KCNQ1: variants seen among roughly 807,000 people sequenced by gnomAD.
The protein encoded by KCNQ1 is potassium voltage-gated channel subfamily KQT member 1.
A neutral mutation model predicts 72.4 loss-of-function variants in KCNQ1; 49 were observed. The ratio of observed to expected loss-of-function variants is 0.68; its 90% CI spans 0.54 to 0.86. The LOEUF (loss-of-function observed/expected upper bound fraction) is 0.86, where lower values mean the gene tolerates loss of function less well. Ranked by LOEUF, KCNQ1 falls within the 40% of genes least tolerant of loss-of-function variation. The probability of loss-of-function intolerance (pLI) is 0.00; values close to 1 mark genes in which losing one functional copy is unlikely to be tolerated. For missense variants in KCNQ1, 790 were observed against 945.1 expected, an observed-to-expected ratio of 0.84 and a Z score of 2.15; for synonymous variants, 450 against 412.6, an observed-to-expected ratio of 1.09 and a Z score of -1.10.
At chr11:2,556,175 G>A (rs4930123) in intron 2 of KCNQ1, among the ~76,000 whole-genome samples, 1 of 152,024 alleles carries the variant, frequency 6.6e-6, no homozygotes, top group African/African-American at 2.4e-5. Flanking sequence ...CCCCCCGGCC[G>A]GCAAGTCCAT....
At chr11:2,741,937 G>T (rs1390527173) in intron 11 of KCNQ1, among the ~76,000 whole-genome samples, 1 of 152,182 alleles carries the variant, frequency 6.6e-6, no homozygotes, top group Non-Finnish European at 1.5e-5. Context: ...GGGGCCCCCA[G>T]CAGCGCCCCT....
chr11:2,780,090 GGT>G (rs1183579643), intron 15 of KCNQ1, among the ~76,000 whole-genome samples: 2 of 152,134 alleles, frequency 1.3e-5, no homozygotes, highest in Non-Finnish European at 2.9e-5. Context: ...TCTCTGAGGT[GGT>G]GAGTGGCACC....
chr11:2,790,859 C>T (rs1317288901), intron 15 of KCNQ1, among the ~76,000 whole-genome samples: 3 of 152,234 alleles, frequency 2.0e-5, no homozygotes, highest in African/African-American at 7.2e-5. Context: ...TCCGCCTCAA[C>T]CCTACTACGT....
At position 2,483,274 on chromosome 11, in the gene KCNQ1, T is replaced by A. The variant is rs1331307529; in HGVS notation, c.386+37790T>A. Among the ~76,000 whole-genome samples the A allele has an allele frequency of 2.6e-5, 4 of 152,152 alleles. No individual in the cohort carries two copies. Among genetic ancestry groups the A allele is most frequent in the Admixed American group, 6.5e-5 (1 of 15,270 alleles). The stretch of plus-strand genomic sequence containing the variant: ...GGGGTGTGAGTGATGAGGGACAACA[T>A]CAGTCCTCTCTTGGCTTCTGTACTT... On this transcript the variant is annotated intron_variant, in intron 1 of 15. Coordinates refer to ENST00000155840, the MANE Select transcript of KCNQ1 (RefSeq NM_000218.3). This position sits in a 1 kb window ranked among gnomAD's most constrained non-coding sequence, Gnocchi z 6.1.
At chr11:2,525,700 G>C (rs1847487700) in intron 1 of KCNQ1, among the ~76,000 whole-genome samples, 1 of 152,252 alleles carries the variant, frequency 6.6e-6, no homozygotes, top group South Asian at 2.1e-4. Context: ...GTGCTCCTGG[G>C]AACCACGTGG....
rs1365942105 is a variant in KCNQ1 at position 2,447,914 on chromosome 11, A to G, written c.386+2430A>G. ...GGATATCCTGTCCCCTCCTCGGGGA[A>G]CCCCCCCTCCCCAGGAGAGCAGCTC... On this transcript the variant is annotated intron_variant, in intron 1 of 15. Coordinates refer to ENST00000155840, the MANE Select transcript of KCNQ1 (RefSeq NM_000218.3). The surrounding 1 kb of genome is among the most constrained non-coding windows in gnomAD (Gnocchi z 7.6). Among the ~76,000 whole-genome samples the G allele has an allele frequency of 6.6e-6, 1 of 151,390 alleles. No individual in the cohort carries two copies. Among genetic ancestry groups the G allele is most frequent in the African/African-American group, 2.4e-5 (1 of 41,154 alleles).
intron 8 of KCNQ1, 43 bp from the exon 9 acceptor site, chr11:2,587,527 G>C: frequency 1.2e-6 from 2 of 1,612,724 alleles, no homozygotes; most frequent in Non-Finnish European, 1.7e-6. Flanking sequence ...GCCCCCGCCG[G>C]GTGGCTCAGC....
At chr11:2,811,190 G>A (rs1470713018) in intron 15 of KCNQ1, among the ~76,000 whole-genome samples, 2 of 152,176 alleles carry the variant, frequency 1.3e-5, no homozygotes, top group Non-Finnish European at 2.9e-5. Context: ...CAATCCAAAT[G>A]GAGCCTCCCC....
chr11:2,777,631 G>GC (rs1287363474), intron 14 of KCNQ1: 1 of 585,320 alleles, frequency 1.7e-6, no homozygotes, highest in African/African-American at 1.9e-5. Flanking sequence ...GAATGGCTGT[G>GC]CCCCCAGCCT....
chr11:2,778,642 G>GA (rs1846759929), intron 15 of KCNQ1, among the ~76,000 whole-genome samples: 1 of 151,998 alleles, frequency 6.6e-6, no homozygotes, highest in African/African-American at 2.4e-5. Context: ...TGGGCGGTGG[G>GA]AGGGCCTTTC....
intron 15 of KCNQ1, among the ~76,000 whole-genome samples, chr11:2,799,375 A>AGTGTGTGTGTGTAT (rs3085903): frequency 4.3e-4 from 63 of 147,400 alleles, no homozygotes; most frequent in African/African-American, 1.5e-3. Flanking sequence ...TGTAAGTTCG[A>AGTGTGTGTGTGTAT]GTGTGTGTGT....
intron 11 of KCNQ1, among the ~76,000 whole-genome samples, chr11:2,741,362 G>T (rs551044650): frequency 6.6e-6 from 1 of 152,292 alleles, no homozygotes; most frequent in African/African-American, 2.4e-5. Flanking sequence ...CAGGCATTGG[G>T]GCCCTGGAGA....
chr11:2,619,019 A>T, intron 10 of KCNQ1: 1 of 398,300 alleles, frequency 2.5e-6, no homozygotes, highest in Non-Finnish European at 4.4e-6. Context: ...TTTTATATTG[A>T]TTTTATATCC....
intron 10 of KCNQ1, chr11:2,641,554 A>G (rs1849577183): frequency 2.5e-6 from 1 of 398,494 alleles, no homozygotes; most frequent in Admixed American, 4.4e-5. Context: ...TCAGATGAGT[A>G]GTTTGCAAAT....
rs955498988 is a variant in KCNQ1 at position 2,515,380 on chromosome 11, G to A, written c.387-12548G>A. Among the ~76,000 whole-genome samples, 1 of 152,074 alleles carries A rather than the reference G, an allele frequency of 6.6e-6. No homozygotes were observed. Among genetic ancestry groups the A allele is most frequent in the African/African-American group, 2.4e-5 (1 of 41,424 alleles). ...TCATTCACTTCTTGGAGGCTTTAAC[G>A]CCTGCCCTGTGTGAGGGAGGGCGGA... On this transcript the variant is annotated intron_variant, in intron 1 of 15. Coordinates refer to ENST00000155840, the MANE Select transcript of KCNQ1 (RefSeq NM_000218.3). The surrounding 1 kb of genome is among the most constrained non-coding windows in gnomAD (Gnocchi z 4.7).
At chr11:2,804,437 C>T (rs542849716) in intron 15 of KCNQ1, among the ~76,000 whole-genome samples, 2 of 152,304 alleles carry the variant, frequency 1.3e-5, no homozygotes, top group African/African-American at 2.4e-5. Flanking sequence ...AGAAACAAGG[C>T]TGTATTGACG....
intron 11 of KCNQ1, chr11:2,697,671 GGAT>G (rs1182160987): frequency 5.0e-6 from 2 of 398,368 alleles, no homozygotes; most frequent in Non-Finnish European, 8.8e-6. Context: ...TGAATTACAT[GGAT>G]AAAGTTTCTG....
intron 10 of KCNQ1, chr11:2,633,694 T>C: frequency 2.5e-6 from 1 of 398,648 alleles, no homozygotes; most frequent in Non-Finnish European, 4.4e-6. Context: ...TATTTACTTC[T>C]GGGTTCTCTA....
chr11:2,571,128 G>A (rs1292142290), intron 3 of KCNQ1, among the ~76,000 whole-genome samples, 197 bp from the exon 4 acceptor site: 1 of 152,194 alleles, frequency 6.6e-6, no homozygotes, highest in East Asian at 1.9e-4. Context: ...GGCTCCACAT[G>A]GCCAGGACAG....
Sources: allele counts gnomAD v4.1 joint callset (sites outside exome capture counted in the v4.1 genomes callset), GRCh38; gene constraint gnomAD v4.1.1; non-coding constraint Gnocchi (gnomAD v3.1); transcripts MANE v1.5; gene names NCBI Gene and HGNC (gene_info 2026-07-23, HGNC 2026-07-21).